The following TLCD4 variants were observed in gnomAD, a reference collection of about 807,000 sequenced individuals.
The protein encoded by TLCD4 is TLC domain-containing protein 4.
TLCD4 carries 7 observed loss-of-function variants against 24.2 expected under a neutral mutation model. The ratio of observed to expected loss-of-function variants is 0.29; its 90% CI spans 0.16 to 0.54. The LOEUF (loss-of-function observed/expected upper bound fraction) is 0.54, where lower values mean the gene tolerates loss of function less well. TLCD4 is among the 20% of genes least tolerant of loss of function. The pLI is 0.95. For missense variants in TLCD4, 259 were observed against 313.9 expected, an observed-to-expected ratio of 0.82 and a Z score of 1.32; for synonymous variants, 103 against 106.4, an observed-to-expected ratio of 0.97 and a Z score of 0.20.
In TLCD4 at chr1:95,141,834, A is replaced by ACACACAC. The variant is rs1557682582; in HGVS notation, c.-11-2057_-11-2056insCACACAC. Among the ~76,000 whole-genome samples the ACACACAC allele has an allele frequency of 2.3e-4, 16 of 70,818 alleles. No individual in the cohort carries two copies. The East Asian group carries it at 3.7e-3, about 16-fold the overall frequency. 46.5% of individuals were successfully genotyped at this position (70,818 alleles called of 152,430 possible). A position where few individuals can be genotyped will look rare whatever the true frequency, so the allele number is the denominator to read the frequency against. The stretch of plus-strand genomic sequence containing the variant: ...ACACACACACACACACACACACACA[A>ACACACAC]AGAATGAGGAAAGAATTCATTATAG... On this transcript the variant is annotated intron_variant, in intron 1 of 6. Transcript: ENST00000370203.
At chr1:95,097,085 TG>T in the TLCD4 span, among the ~76,000 whole-genome samples, 4 of 152,150 alleles carry the variant, frequency 2.6e-5, no homozygotes, top group Admixed American at 6.5e-5. Flanking sequence ...CCCTTAAAAA[TG>T]TTTTTTTTCT....
chr1:95,096,627 CTTACA>C, the TLCD4 span, among the ~76,000 whole-genome samples: 2 of 152,200 alleles, frequency 1.3e-5, no homozygotes, highest in African/African-American at 4.8e-5. Flanking sequence ...TTACACAACT[CTTACA>C]TTATATAGTG....
intron 6 of TLCD4, among the ~76,000 whole-genome samples, chr1:95,179,601 T>C (rs1678562215): frequency 6.6e-6 from 1 of 152,232 alleles, no homozygotes; most frequent in African/African-American, 2.4e-5. Context: ...CTCTTCTATA[T>C]TATTATCTTT....
the TLCD4 span, among the ~76,000 whole-genome samples, chr1:95,095,459 G>A: frequency 1.3e-5 from 2 of 151,868 alleles, no homozygotes; most frequent in South Asian, 2.1e-4. Context: ...GTGCAGTGGC[G>A]TGATCTCGGC....
At chr1:95,109,573 C>T in the TLCD4 span, among the ~76,000 whole-genome samples, 6 of 151,354 alleles carry the variant, frequency 4.0e-5, no homozygotes, top group Admixed American at 2.0e-4. Flanking sequence ...CTGCAACCTC[C>T]GCCTCCTGGG....
intron 5 of TLCD4, among the ~76,000 whole-genome samples, chr1:95,167,055 C>CTT (rs956949226): frequency 1.1e-4 from 17 of 151,324 alleles, no homozygotes; most frequent in Non-Finnish European, 2.2e-4. Flanking sequence ...TTTTGAGTGC[C>CTT]TTCTCTTTTG....
chr1:95,146,126 T>G (rs1677339444), intron 2 of TLCD4, among the ~76,000 whole-genome samples: 1 of 151,834 alleles, frequency 6.6e-6, no homozygotes, highest in South Asian at 2.1e-4. Context: ...AAAGAGTCTC[T>G]AAACATGAGT....
At chr1:95,163,933 T>G (rs1677922168) in intron 5 of TLCD4, 1 of 152,304 alleles carries the variant, frequency 6.6e-6, no homozygotes, top group Non-Finnish European at 1.5e-5. Flanking sequence ...GCCTACCAGT[T>G]AGGCTACTCA....
At chr1:95,130,659 A>T (rs568184884) in intron 1 of TLCD4, among the ~76,000 whole-genome samples, 1 of 152,262 alleles carries the variant, frequency 6.6e-6, no homozygotes, top group African/African-American at 2.4e-5. Flanking sequence ...TGATGTGCTT[A>T]TTTACAAATG....
chr1:95,193,277 A>G lies in TLCD4; in HGVS notation c.*1409A>G, dbSNP rs1343008683. On this transcript the variant is annotated 3_prime_UTR_variant, in exon 7 of 7. Coordinates refer to ENST00000370203, the MANE Select transcript of TLCD4 (RefSeq NM_152487.3). ...TTAATCCAAGTATTCTATCATCAAA[A>G]TTATTGTCTGATTATATGAAGATAA... 1 of 152,130 alleles carries G rather than the reference A, an allele frequency of 6.6e-6. No individual in the cohort carries two copies. The highest frequency in any genetic ancestry group is 2.4e-5 in the African/African-American group (1 of 41,438). 9.4% of individuals were successfully genotyped at this position (152,130 alleles called of 1,614,324 possible).
Position 95,150,717 on chromosome 1 carries a change from C to T in TLCD4, c.304+451C>T, listed in dbSNP as rs567453861. 5.3e-5 allele frequency among the ~76,000 whole-genome samples: 8 copies of T among 151,604 alleles called. 1 individual carries two copies. The South Asian group carries it at 1.5e-3, about 28-fold the overall frequency. ...TTTTAATAGTTATAGTTTTTGGTGG[C>T]GTCACTATTTTGAATTAGTATTTAA... is the stretch of plus-strand genomic sequence containing the variant. On this transcript the variant is annotated intron_variant, in intron 4 of 6. Transcript: ENST00000370203.
intron 1 of TLCD4, among the ~76,000 whole-genome samples, chr1:95,132,541 AC>A (rs1319709259): frequency 6.6e-6 from 1 of 151,736 alleles, no homozygotes; most frequent in Non-Finnish European, 1.5e-5. Context: ...ATAACCATTC[AC>A]TGAGATGAAG....
In TLCD4 at chr1:95,195,843, T is replaced by A. The variant is rs1679188077; in HGVS notation, c.*3975T>A. On this transcript the variant is annotated 3_prime_UTR_variant, in exon 7 of 7. Coordinates refer to ENST00000370203, the MANE Select transcript of TLCD4 (RefSeq NM_152487.3). ...TGATAGTCCTCCCTTGATCTAGAAGTATTCTCTTTGAATCCTTCCATCTCT... is the reference window on the plus strand; with the variant it reads ...TGATAGTCCTCCCTTGATCTAGAAGAATTCTCTTTGAATCCTTCCATCTCT... 6.6e-6 allele frequency: 1 copy of A among 152,186 alleles called. No homozygotes were observed. 9.4% of individuals were successfully genotyped at this position (152,186 alleles called of 1,614,324 possible). A position where few individuals can be genotyped will look rare whatever the true frequency, so the allele number is the denominator to read the frequency against.
intron 1 of TLCD4, among the ~76,000 whole-genome samples, chr1:95,139,455 A>ATT (rs200337389): frequency 0.49 from 45,461 of 92,774 alleles, 13,113 homozygotes; most frequent in Middle Eastern, 0.61. Context: ...TAAACCTTTG[A>ATT]TTTTTTTTTT....
chr1:95,160,774 C>T (rs1677769354), intron 5 of TLCD4, among the ~76,000 whole-genome samples: 1 of 152,106 alleles, frequency 6.6e-6, no homozygotes, highest in South Asian at 2.1e-4. Context: ...TGGTTTTCGT[C>T]TTTGGTTCTG....
At chr1:95,121,749 C>T (rs543454843) in intron 1 of TLCD4, among the ~76,000 whole-genome samples, 64 of 152,338 alleles carry the variant, frequency 4.2e-4, no homozygotes, top group African/African-American at 1.4e-3. Context: ...GGATTACAGG[C>T]GTGAGCCTCC....
intron 1 of TLCD4, among the ~76,000 whole-genome samples, chr1:95,141,767 T>G (rs962017096): frequency 4.7e-5 from 7 of 148,564 alleles, no homozygotes; most frequent in Admixed American, 2.7e-4. Context: ...TAGAGAAGAA[T>G]TGTAATATCA....
chr1:95,190,540 G>GCTGGTCTTGAACTCCTGAC (rs1276358313), intron 6 of TLCD4, among the ~76,000 whole-genome samples: 1 of 152,024 alleles, frequency 6.6e-6, no homozygotes, highest in East Asian at 1.9e-4. Context: ...TCTTGGCCAG[G>GCTGGTCTTGAACTCCTGAC]CTGGTCTTGA....
chr1:95,092,595 T>C, the TLCD4 span, among the ~76,000 whole-genome samples: 1 of 152,198 alleles, frequency 6.6e-6, no homozygotes, highest in Non-Finnish European at 1.5e-5. Flanking sequence ...TTATGAGCTG[T>C]AACACTCACC....
Sources: allele counts gnomAD v4.1 joint callset (sites outside exome capture counted in the v4.1 genomes callset), GRCh38; gene constraint gnomAD v4.1.1; transcripts MANE v1.5; gene names NCBI Gene and HGNC (gene_info 2026-07-23, HGNC 2026-07-21).